The following TPP2 variants were observed in gnomAD, a reference collection of about 807,000 sequenced individuals.
TPP2 encodes tripeptidyl-peptidase 2.
TPP2 carries 34 observed loss-of-function variants against 155.9 expected under a neutral mutation model. That is an observed-to-expected ratio of 0.22 (90% CI 0.17 to 0.29). The LOEUF (loss-of-function observed/expected upper bound fraction) is 0.29, where lower values mean the gene tolerates loss of function less well. Among genes scored for constraint, TPP2 ranks in the 10% least tolerant of loss-of-function variants. TPP2 has a pLI of 1.00. For synonymous variants in TPP2, 510 were observed against 529.4 expected, an observed-to-expected ratio of 0.96 and a Z score of 0.50; for missense variants, 1,028 against 1,522.3, an observed-to-expected ratio of 0.68 and a Z score of 5.40.
rs755836557 is a variant in TPP2, at chr13:102,636,243, A to G, written c.1529A>G (p.Tyr510Cys). The G allele has an allele frequency of 4.3e-6, 7 of 1,612,380 alleles. No homozygotes were observed. The South Asian group carries it at 6.6e-5, about 15-fold the overall frequency. Residue 510 changes from tyrosine to cysteine, a missense_variant, in exon 13 of 30, where the codon TAC (tyrosine) becomes TGC (cysteine). Around this residue, in one of 7 missense-constraint regions of TPP2, gnomAD observed 325 missense variants for 463.7 expected, o/e 0.70. Transcript: ENST00000376052. ...CACTAGGTTGATAAAGCCTATGACTACCTCGTTCAGAATACATCATTTGCT... is the reference window on the plus strand; with the variant it reads ...CACTAGGTTGATAAAGCCTATGACTGCCTCGTTCAGAATACATCATTTGCT... ...GIIQVDKAYD[Y>C]LVQNTSFANK...
intron 27 of TPP2, among the ~76,000 whole-genome samples, chr13:102,667,173 G>C (rs666801): frequency 0.89 from 134,836 of 152,186 alleles, 60,054 homozygotes; most frequent in African/African-American, 0.96. Flanking sequence ...TCTTAAATCA[G>C]TAACATCAAA....
chr13:102,626,935 A>T, intron 6 of TPP2, 77 bp from the exon 7 acceptor site: 1 of 1,360,894 alleles, frequency 7.3e-7, no homozygotes, highest in Non-Finnish European at 9.7e-7. Flanking sequence ...TATCATGATT[A>T]ATAATATGCA....
Position 102,676,390 on chromosome 13 carries a change from A to C in TPP2, c.3674A>C (p.Lys1225Thr), listed in dbSNP as rs2139626278. ...ATKLVEEKPT[K>T]ENWKNCIQLM... ...AAACTTGTGGAAGAAAAACCAACAA[A>C]AGAAAACTGGAAAAATTGTATTCAA... Residue 1225 changes from lysine to threonine, a missense_variant, in exon 29 of 30, where the codon AAA becomes ACA. Lys to Thr is a moderately conservative substitution (Grantham distance 78). This residue lies in a region of TPP2 where 41 missense variants were observed against 78.3 expected (regional missense o/e 0.52). Transcript: ENST00000376052. 6.2e-7 allele frequency: 1 copy of C among 1,611,006 alleles called. No individual in the cohort carries two copies. Among genetic ancestry groups the C allele is most frequent in the East Asian group, 2.2e-5 (1 of 44,638 alleles).
chr13:102,645,104 C>T, intron 19 of TPP2, 95 bp downstream of exon 19: 1 of 1,150,464 alleles, frequency 8.7e-7, no homozygotes, highest in Non-Finnish European at 1.2e-6. Context: ...TTTTAATCCA[C>T]CTGCATGCTA....
intron 12 of TPP2, 146 bp downstream of exon 12, chr13:102,635,848 T>C (rs1882340705): frequency 1.5e-6 from 1 of 668,420 alleles, no homozygotes. Context: ...GCAAAAAGGA[T>C]ACACAAACAA....
At chr13:102,601,114 C>T (rs1879399370) in intron 1 of TPP2, among the ~76,000 whole-genome samples, 2 of 152,088 alleles carry the variant, frequency 1.3e-5, no homozygotes, top group African/African-American at 4.8e-5. Flanking sequence ...CTGGCCTGAC[C>T]TCTATTATTT....
At chr13:102,676,268 AC>A (rs1380351546) in intron 28 of TPP2, 27 bp from the exon 29 acceptor site, 2 of 1,534,780 alleles carry the variant, frequency 1.3e-6, no homozygotes, top group Non-Finnish European at 1.8e-6. Flanking sequence ...TATTTTATAA[AC>A]AAGCTTTATC....
chr13:102,674,445 A>C lies in TPP2; in HGVS notation c.3534A>C (p.Glu1178Asp), dbSNP rs1266892579. The C allele has an allele frequency of 6.2e-7, 1 of 1,613,882 alleles. No individual in the cohort carries two copies. Among genetic ancestry groups the C allele is most frequent in the East Asian group, 2.2e-5 (1 of 44,866 alleles). Residue 1178 changes from glutamate (E) to aspartate (D), a missense_variant, in exon 28 of 30, where the codon GAA becomes GAC. Coordinates refer to ENST00000376052, the MANE Select transcript of TPP2 (RefSeq NM_001330588.2). The part of the protein sequence containing the change: ...EGESPLDSLA[E>D]TFWETTKWTD... ...AAAGTCCTTTGGATTCTCTGGCAGAAACATTTTGGGAAACTACTAAATGGA... is the reference window on the plus strand; with the variant it reads ...AAAGTCCTTTGGATTCTCTGGCAGACACATTTTGGGAAACTACTAAATGGA...
chr13:102,667,062 A>G (rs534764062), intron 27 of TPP2, among the ~76,000 whole-genome samples: 1 of 152,262 alleles, frequency 6.6e-6, no homozygotes, highest in East Asian at 1.9e-4. Context: ...ATTATACAAG[A>G]TGCTATCAGG....
At position 102,646,513 on chromosome 13, in the gene TPP2, A is replaced by G. The variant is rs555173885; in HGVS notation, c.2490+123A>G. The stretch of plus-strand genomic sequence containing the variant: ...ATATAAAAAACAGAATCAAGTGATT[A>G]ACAGTTAATTTGGAATTACTCTTTA... On this transcript the variant is annotated intron_variant, in intron 20 of 29. Transcript: ENST00000376052. 51 of 605,932 alleles carry G rather than the reference A, an allele frequency of 8.4e-5. No individual in the cohort carries two copies. The South Asian group carries it at 1.4e-3, about 17-fold the overall frequency. 37.5% of individuals were successfully genotyped at this position (605,932 alleles called of 1,614,324 possible).
intron 27 of TPP2, chr13:102,667,687 A>G: frequency 1.1e-6 from 1 of 917,854 alleles, no homozygotes; most frequent in Non-Finnish European, 1.3e-6. Flanking sequence ...AGAGGATGCT[A>G]AAATAGAAAG....
intron 26 of TPP2, 96 bp from the exon 27 acceptor site, chr13:102,664,699 C>T (rs1884475255): frequency 2.4e-6 from 3 of 1,226,106 alleles, no homozygotes; most frequent in Admixed American, 2.5e-5. Context: ...ACTCACACTG[C>T]AGTTGTAGGT....
At chr13:102,616,332 G>A (rs1229344220) in intron 3 of TPP2, 64 bp from the exon 4 acceptor site, 1 of 1,287,756 alleles carries the variant, frequency 7.8e-7, no homozygotes, top group South Asian at 1.3e-5. Flanking sequence ...ACATATAAAT[G>A]CCTGTCTAGG....
rs1227847429 is a variant in TPP2 at position 102,651,398 on chromosome 13, G to A, written c.2991+1G>A. 1.3e-6 allele frequency: 2 copies of A among 1,576,956 alleles called. No homozygotes were observed. The highest frequency in any genetic ancestry group is 1.7e-6 in the Non-Finnish European group (2 of 1,160,440). ...AAAACGACAAGGAAAATTTAAAAAG[G>A]TACTGATTGTCAGTTCTTAAAAAAG... On this transcript the variant is annotated splice_donor_variant, in intron 24 of 29. Transcript: ENST00000376052. LOFTEE classifies it high-confidence loss of function.
chr13:102,650,821 A>G (rs140813708), intron 23 of TPP2, among the ~76,000 whole-genome samples: 46 of 152,316 alleles, frequency 3.0e-4, no homozygotes, highest in African/African-American at 1.1e-3. Flanking sequence ...TATGGTAGCT[A>G]TTTATCAAGG....
At chr13:102,657,755 G>A (rs963231760) in intron 25 of TPP2, among the ~76,000 whole-genome samples, 1 of 152,070 alleles carries the variant, frequency 6.6e-6, no homozygotes, top group Non-Finnish European at 1.5e-5. Flanking sequence ...ACATAAAGGT[G>A]ATTTTTTAAA....
chr13:102,641,824 G>A (rs1263091041), intron 16 of TPP2, among the ~76,000 whole-genome samples: 2 of 152,130 alleles, frequency 1.3e-5, no homozygotes, highest in African/African-American at 4.8e-5. Context: ...GAGGATAATC[G>A]GGTTGTACTA....
intron 2 of TPP2, 148 bp from the exon 3 acceptor site, chr13:102,613,952 TA>T: frequency 1.7e-6 from 1 of 584,056 alleles, no homozygotes; most frequent in East Asian, 3.0e-5. Flanking sequence ...AGTAACTACT[TA>T]GAGTATTAAA....
In TPP2 at chr13:102,637,256, A is replaced by T; in HGVS notation, c.1836+17A>T. ...TATACAGAGGTATTGATGTATCTTC[A>T]TTTTTACTTTCTTCACTCTTTAAAA... On this transcript the variant is annotated intron_variant, in intron 14 of 29. Transcript: ENST00000376052. 1.3e-6 allele frequency: 2 copies of T among 1,572,224 alleles called. No homozygotes were observed. The highest frequency in any genetic ancestry group is 4.2e-5 in the Admixed American group (2 of 47,608).
Sources: gnomAD v4.1 joint callset for allele counts (sites outside exome capture counted in the v4.1 genomes callset) on GRCh38, gnomAD v4.1.1 for gene constraint, gnomAD v4.1.1 regional missense constraint, MANE v1.5 for transcripts, NCBI Gene and HGNC (gene_info 2026-07-23, HGNC 2026-07-21) for gene names.